Variants in ADAMTS2 observed in about 807,000 individuals in gnomAD.
The protein encoded by ADAMTS2 is A disintegrin and metalloproteinase with thrombospondin motifs 2.
A neutral mutation model predicts 123.0 loss-of-function variants in ADAMTS2; 50 were observed. The observed-to-expected ratio is 0.41, with a 90% CI of 0.32 to 0.51. The LOEUF (loss-of-function observed/expected upper bound fraction) is 0.51, where lower values mean the gene tolerates loss of function less well. Among genes scored for constraint, ADAMTS2 ranks in the 20% least tolerant of loss-of-function variants. The pLI, the probability that ADAMTS2 is intolerant of heterozygous loss-of-function variation, is 0.35. For synonymous variants in ADAMTS2, 678 were observed against 695.4 expected, an observed-to-expected ratio of 0.98 and a Z score of 0.39; for missense variants, 1,494 against 1,705.2, an observed-to-expected ratio of 0.88 and a Z score of 2.18.
At chr5:179,283,065 G>C (rs542202556) in intron 2 of ADAMTS2, among the ~76,000 whole-genome samples, 1 of 152,052 alleles carries the variant, frequency 6.6e-6, no homozygotes, top group African/African-American at 2.4e-5. Context: ...TCCCTCCCCA[G>C]CACCCCCCAC....
At chr5:179,169,599 A>AGGCAT (rs1353714482) in intron 5 of ADAMTS2, among the ~76,000 whole-genome samples, 1 of 152,104 alleles carries the variant, frequency 6.6e-6, no homozygotes, top group Non-Finnish European at 1.5e-5. Context: ...CCCTGGGGTG[A>AGGCAT]GGCATGGGGT....
At chr5:179,274,544 C>CG (rs1260595375) in intron 2 of ADAMTS2, among the ~76,000 whole-genome samples, 1 of 152,240 alleles carries the variant, frequency 6.6e-6, no homozygotes, top group Non-Finnish European at 1.5e-5. Flanking sequence ...CCACACCCCC[C>CG]CCAAAGTAAC....
At chr5:179,169,699 G>A (rs942862482) in intron 5 of ADAMTS2, among the ~76,000 whole-genome samples, 3 of 152,140 alleles carry the variant, frequency 2.0e-5, no homozygotes, top group African/African-American at 7.2e-5. Context: ...CTGCACCATG[G>A]CTGGGCCACT....
Position 179,153,600 on chromosome 5 carries a change from T to A in ADAMTS2, c.1406A>T (p.Asp469Val), listed in dbSNP as rs754840916. 6.2e-7 allele frequency: 1 copy of A among 1,605,520 alleles called. No homozygotes were observed. The change falls in exon 9 of 22, where the codon GAC (aspartate) becomes GTC (valine). Residue 469 changes from aspartate (D) to valine (V), a missense_variant. Transcript: ENST00000251582. ...CGCCGGCCAGTCGTGGGCGAAGGGG[T>A]CATCCAGCAGGCAGTCATAGGAGCT... ...YLHSYDCLLD[D>V]PFAHDWPALP...
At chr5:179,269,215 G>A (rs1019217850) in intron 3 of ADAMTS2, among the ~76,000 whole-genome samples, 2 of 152,172 alleles carry the variant, frequency 1.3e-5, no homozygotes, top group East Asian at 3.9e-4. Flanking sequence ...GGAGCCTCTG[G>A]AGGGAGCACA....
intron 3 of ADAMTS2, among the ~76,000 whole-genome samples, chr5:179,233,309 A>C (rs1304025762): frequency 6.6e-6 from 1 of 152,190 alleles, no homozygotes; most frequent in Non-Finnish European, 1.5e-5. Context: ...TGACTGTGAC[A>C]GTGTATCTTG....
intron 2 of ADAMTS2, among the ~76,000 whole-genome samples, chr5:179,289,376 G>C (rs1486747710): frequency 6.6e-6 from 1 of 152,210 alleles, no homozygotes; most frequent in East Asian, 1.9e-4. Context: ...GGGAAGGGCA[G>C]CTCTTTCTCA....
chr5:179,317,877 C>T lies in ADAMTS2; in HGVS notation c.534+25890G>A, dbSNP rs1279628405. On this transcript the variant is annotated intron_variant, in intron 2 of 21. Coordinates refer to ENST00000251582, the MANE Select transcript of ADAMTS2 (RefSeq NM_014244.5). The surrounding 1 kb of genome is among the most constrained non-coding windows in gnomAD (Gnocchi z 4.9). ...AGTGAGGGAGGGAGGCAGGTGTAGACTGGGCCAGGGAAAGGTTCTGGAAAC... is the reference window on the plus strand; with the variant it reads ...AGTGAGGGAGGGAGGCAGGTGTAGATTGGGCCAGGGAAAGGTTCTGGAAAC... Among the ~76,000 whole-genome samples the T allele has an allele frequency of 6.6e-6, 1 of 152,214 alleles. No individual in the cohort carries two copies. The highest frequency in any genetic ancestry group is 2.4e-5 in the African/African-American group (1 of 41,542).
chr5:179,271,976 C>CAG (rs1396886294), intron 3 of ADAMTS2, among the ~76,000 whole-genome samples: 1 of 152,214 alleles, frequency 6.6e-6, no homozygotes, highest in African/African-American at 2.4e-5. Context: ...TCCTGGGCCC[C>CAG]AGACTCCAGA....
chr5:179,162,673 T>C lies in ADAMTS2; in HGVS notation c.976-3794A>G, dbSNP rs369467803. ...CTCCCCTACAGAAGCCACAGTCTGC[T>C]TTTGATAGAATCTCAGTCCCGCCTA... is the stretch of plus-strand genomic sequence containing the variant. On this transcript the variant is annotated intron_variant, in intron 5 of 21. Coordinates refer to ENST00000251582, the MANE Select transcript of ADAMTS2 (RefSeq NM_014244.5). This position sits in a 1 kb window ranked among gnomAD's most constrained non-coding sequence, Gnocchi z 5.1. Among the ~76,000 whole-genome samples the C allele has an allele frequency of 6.6e-6, 1 of 152,244 alleles. No individual in the cohort carries two copies.
intron 5 of ADAMTS2, among the ~76,000 whole-genome samples, chr5:179,168,108 G>A (rs1581165350): frequency 6.6e-6 from 1 of 152,228 alleles, no homozygotes; most frequent in East Asian, 1.9e-4. Context: ...CAGCACTCCA[G>A]ATATTTGGGG....
At chr5:179,116,773 T>A (rs1240818904) in intron 21 of ADAMTS2, among the ~76,000 whole-genome samples, 1 of 152,068 alleles carries the variant, frequency 6.6e-6, no homozygotes, top group East Asian at 1.9e-4. Context: ...CATCAGAGGG[T>A]GCCCGACTTC....
intron 2 of ADAMTS2, among the ~76,000 whole-genome samples, chr5:179,330,652 C>T (rs1010212325): frequency 2.6e-5 from 4 of 152,234 alleles, no homozygotes; most frequent in Non-Finnish European, 4.4e-5. Flanking sequence ...ACTCCATTCA[C>T]TCCCAGACGG....
rs941472803 is a variant in ADAMTS2, at chr5:179,155,280, G to A, written c.1133-361C>T. Among the ~76,000 whole-genome samples, 2 of 152,188 alleles carry A rather than the reference G, an allele frequency of 1.3e-5. No homozygotes were observed. Among genetic ancestry groups the A allele is most frequent in the Non-Finnish European group, 2.9e-5 (2 of 68,032 alleles). On this transcript the variant is annotated intron_variant, in intron 6 of 21. Transcript: ENST00000251582. This position sits in a 1 kb window ranked among gnomAD's most constrained non-coding sequence, Gnocchi z 5.1. The stretch of plus-strand genomic sequence containing the variant: ...CGCCACCTGCCTCTGCCCCCTGCCT[G>A]CCTCACTGAGTGGCCCCTGAGCAGC...
intron 18 of ADAMTS2, among the ~76,000 whole-genome samples, chr5:179,125,581 C>T (rs1343720786): frequency 6.6e-5 from 10 of 152,248 alleles, no homozygotes; most frequent in Non-Finnish European, 1.0e-4. Flanking sequence ...TCCCTCAGCA[C>T]GCTGTCCTAT....
intron 2 of ADAMTS2, among the ~76,000 whole-genome samples, chr5:179,310,954 C>T (rs1452294958): frequency 6.6e-6 from 1 of 152,102 alleles, no homozygotes; most frequent in African/African-American, 2.4e-5. Flanking sequence ...TGCCCCAACC[C>T]ACTTGCCGGC....
chr5:179,240,584 T>C (rs1416366826), intron 3 of ADAMTS2, among the ~76,000 whole-genome samples: 1 of 152,174 alleles, frequency 6.6e-6, no homozygotes, highest in Non-Finnish European at 1.5e-5. Context: ...CAAAAGAAGG[T>C]TTAAGGTATG....
chr5:179,195,803 G>C (rs1164729497), intron 4 of ADAMTS2, among the ~76,000 whole-genome samples: 1 of 152,228 alleles, frequency 6.6e-6, no homozygotes. Flanking sequence ...CGGGACAAGC[G>C]TGAGGAACAG....
chr5:179,176,416 G>A (rs189697966), intron 5 of ADAMTS2, among the ~76,000 whole-genome samples: 26 of 152,246 alleles, frequency 1.7e-4, no homozygotes, highest in African/African-American at 6.3e-4. Flanking sequence ...GGCCTCCTCC[G>A]CTGGGATGGC....
Sources: allele counts gnomAD v4.1 joint callset (sites outside exome capture counted in the v4.1 genomes callset), GRCh38; gene constraint gnomAD v4.1.1; non-coding constraint Gnocchi (gnomAD v3.1); transcripts MANE v1.5; gene names NCBI Gene and HGNC (gene_info 2026-07-23, HGNC 2026-07-21).